DLGAP2: variants seen among roughly 807,000 people sequenced by gnomAD.
DLGAP2 encodes the protein disks large-associated protein 2.
A neutral mutation model predicts 100.3 loss-of-function variants in DLGAP2; 26 were observed. That is an observed-to-expected ratio of 0.26 (90% CI 0.19 to 0.36). DLGAP2 has a LOEUF of 0.36. Ranked by LOEUF, DLGAP2 falls within the 10% of genes least tolerant of loss-of-function variation. The pLI is 1.00. For synonymous variants in DLGAP2, 886 were observed against 630.1 expected, an observed-to-expected ratio of 1.41 and a Z score of -6.08; for missense variants, 1,858 against 1,453.2, an observed-to-expected ratio of 1.28 and a Z score of -4.53.
At position 857,143 on chromosome 8, in the gene DLGAP2, G is replaced by T. The variant is rs144739242; in HGVS notation, c.19-50769G>T. Among the ~76,000 whole-genome samples the T allele has an allele frequency of 2.7e-3, 404 of 152,342 alleles. 4 individuals are homozygous for T. Among genetic ancestry groups the T allele is most frequent in the African/African-American group, 9.2e-3 (383 of 41,572 alleles). ...GAGAGGATGCTCTTATCAACAGATG[G>T]TGTGGAGCAATGGGACCTCCATGTG... On this transcript the variant is annotated intron_variant, in intron 1 of 14. Coordinates refer to ENST00000637795, the MANE Select transcript of DLGAP2 (RefSeq NM_001346810.2).
chr8:1,671,532 G>A (rs1344581935), intron 10 of DLGAP2, among the ~76,000 whole-genome samples: 3 of 152,194 alleles, frequency 2.0e-5, no homozygotes, highest in Non-Finnish European at 2.9e-5. Flanking sequence ...TCCTGTCCCG[G>A]GGTGGGGGGT....
chr8:1,670,582 G>T (rs1222240063), intron 10 of DLGAP2, among the ~76,000 whole-genome samples: 1 of 152,256 alleles, frequency 6.6e-6, no homozygotes, highest in Non-Finnish European at 1.5e-5. Context: ...CTCAGTAAAT[G>T]TTGGGTAAGC....
intron 2 of DLGAP2, among the ~76,000 whole-genome samples, chr8:1,148,846 ATGGCCAATTTTGGCAAATGTTTTG>A (rs1474204395): frequency 2.0e-5 from 3 of 152,188 alleles, no homozygotes; most frequent in Non-Finnish European, 4.4e-5. Context: ...GTTCCTGCAT[ATGGCCAATTTTGGCAAATGTTTTG>A]TGTGTACTTA....
intron 1 of DLGAP2, among the ~76,000 whole-genome samples, chr8:890,787 C>G (rs1179956693): frequency 2.6e-5 from 4 of 152,104 alleles, no homozygotes; most frequent in Admixed American, 2.6e-4. Flanking sequence ...AGCCCCCTGT[C>G]CTTTGCAAAC....
At chr8:804,166 T>C (rs1324983261) in intron 1 of DLGAP2, among the ~76,000 whole-genome samples, 1 of 151,968 alleles carries the variant, frequency 6.6e-6, no homozygotes, top group African/African-American at 2.4e-5. Context: ...AGAGGGAGAA[T>C]CATATATTTG....
intron 2 of DLGAP2, among the ~76,000 whole-genome samples, chr8:1,153,262 T>C (rs1203914594): frequency 2.0e-5 from 3 of 152,090 alleles, no homozygotes; most frequent in African/African-American, 4.8e-5. Flanking sequence ...GCCCAGATAA[T>C]TGGGGTCATT....
At chr8:1,077,574 T>C (rs1490048603) in intron 2 of DLGAP2, among the ~76,000 whole-genome samples, 1 of 152,192 alleles carries the variant, frequency 6.6e-6, no homozygotes, top group African/African-American at 2.4e-5. Context: ...ACTGGTGTGC[T>C]AACAAGAAGG....
chr8:1,118,761 T>A (rs1037268133), intron 2 of DLGAP2, among the ~76,000 whole-genome samples: 1 of 152,134 alleles, frequency 6.6e-6, no homozygotes. Context: ...CGTTTTTGAA[T>A]CTGAACTAAA....
intron 3 of DLGAP2, among the ~76,000 whole-genome samples, chr8:1,312,255 G>A (rs1163726564): frequency 6.6e-6 from 1 of 152,160 alleles, no homozygotes; most frequent in East Asian, 1.9e-4. Flanking sequence ...AACATCAGAG[G>A]GAACCCAGGT....
At chr8:781,007 AG>A (rs1394959164) in intron 1 of DLGAP2, among the ~76,000 whole-genome samples, 1 of 152,238 alleles carries the variant, frequency 6.6e-6, no homozygotes, top group Non-Finnish European at 1.5e-5. Context: ...GAGGTTGTAT[AG>A]TACCTTATGA....
intron 5 of DLGAP2, among the ~76,000 whole-genome samples, chr8:1,558,421 G>A (rs1802040839): frequency 6.6e-6 from 1 of 152,210 alleles, no homozygotes; most frequent in Non-Finnish European, 1.5e-5. Flanking sequence ...TCAGGAGGCA[G>A]GAGAAGAGGG....
intron 2 of DLGAP2, among the ~76,000 whole-genome samples, chr8:1,134,820 T>A (rs1796370190): frequency 6.6e-6 from 1 of 152,042 alleles, no homozygotes; most frequent in African/African-American, 2.4e-5. Flanking sequence ...CCATTTATAA[T>A]ATAAACCAGA....
At chr8:1,647,916 A>G (rs6558504) in intron 8 of DLGAP2, among the ~76,000 whole-genome samples, 86,993 of 151,970 alleles carry the variant, frequency 0.57, 25,780 homozygotes, top group African/African-American at 0.74. Context: ...GAAAAAGCGT[A>G]AGGAAGTTCC....
chr8:1,073,112 GTTATT>G (rs1447995546), intron 2 of DLGAP2, among the ~76,000 whole-genome samples: 2 of 152,170 alleles, frequency 1.3e-5, no homozygotes, highest in African/African-American at 4.8e-5. Flanking sequence ...TCTCGTAGCT[GTTATT>G]TTGAGTTGAG....
chr8:794,178 T>TG (rs1230352724), intron 1 of DLGAP2, among the ~76,000 whole-genome samples: 1 of 147,752 alleles, frequency 6.8e-6, no homozygotes, highest in Non-Finnish European at 1.5e-5. Context: ...TGGGATGAGC[T>TG]GTTTGCTGGC....
chr8:1,482,748 C>T (rs1003496846), intron 3 of DLGAP2, among the ~76,000 whole-genome samples: 4 of 152,258 alleles, frequency 2.6e-5, no homozygotes, highest in Non-Finnish European at 5.9e-5. Flanking sequence ...CTCGGCGTCT[C>T]CCCGCCCCAA....
At chr8:1,450,456 GTGGCTGA>G (rs1434809008) in intron 3 of DLGAP2, among the ~76,000 whole-genome samples, 1 of 125,312 alleles carries the variant, frequency 8.0e-6, no homozygotes, top group Non-Finnish European at 1.7e-5. Flanking sequence ...CTCGGTGGCT[GTGGCTGA>G]GGCTGAGCTG....
At chr8:1,162,536 C>G (rs1339316058) in intron 2 of DLGAP2, among the ~76,000 whole-genome samples, 1 of 152,118 alleles carries the variant, frequency 6.6e-6, no homozygotes, top group Non-Finnish European at 1.5e-5. Flanking sequence ...TTAAAATGAT[C>G]AAAATATAAA....
At chr8:1,698,237 G>C (rs935010969) in intron 14 of DLGAP2, among the ~76,000 whole-genome samples, 3 of 152,154 alleles carry the variant, frequency 2.0e-5, no homozygotes, top group African/African-American at 4.8e-5. Context: ...GAGTGCACAG[G>C]GTCCACGTAA....
Sources: allele counts gnomAD v4.1 joint callset (sites outside exome capture counted in the v4.1 genomes callset), GRCh38; gene constraint gnomAD v4.1.1; transcripts MANE v1.5; gene names NCBI Gene and HGNC (gene_info 2026-07-23, HGNC 2026-07-21).